The following FRYL variants were observed in gnomAD, a reference collection of about 807,000 sequenced individuals.
FRYL encodes the protein protein furry homolog-like.
FRYL carries 150 observed loss-of-function variants against 351.2 expected under a neutral mutation model. That is an observed-to-expected ratio of 0.43 (90% CI 0.37 to 0.49). The LOEUF (loss-of-function observed/expected upper bound fraction) is 0.49, where lower values mean the gene tolerates loss of function less well. FRYL is among the 20% of genes least tolerant of loss of function. FRYL has a pLI of 0.00. For synonymous variants in FRYL, 1,153 were observed against 1,257.1 expected, an observed-to-expected ratio of 0.92 and a Z score of 1.75; for missense variants, 3,036 against 3,619.3, an observed-to-expected ratio of 0.84 and a Z score of 4.13.
chr4:48,716,575 T>A (rs1037636462), intron 1 of FRYL, among the ~76,000 whole-genome samples: 1 of 151,406 alleles, frequency 6.6e-6, no homozygotes, highest in Admixed American at 6.6e-5. Flanking sequence ...CAATGAGATA[T>A]CATCTCACAC....
At chr4:48,633,301 T>C (rs1753618732) in intron 4 of FRYL, among the ~76,000 whole-genome samples, 1 of 152,220 alleles carries the variant, frequency 6.6e-6, no homozygotes, top group Non-Finnish European at 1.5e-5. Flanking sequence ...TCAATGTTCA[T>C]TGTACTTTGC....
chr4:48,634,468 T>C lies in FRYL; in HGVS notation c.-58A>G, dbSNP rs1753837655. ...AGTTGGAAGAAGCACAGTATTTATT[T>C]ACTTTGCTGACTGGCGCTGAAGCTA... On this transcript the variant is annotated 5_prime_UTR_variant, in exon 4 of 64. Coordinates refer to ENST00000358350, the MANE Select transcript of FRYL (RefSeq NM_015030.2). 6.2e-7 allele frequency: 1 copy of C among 1,611,146 alleles called. No homozygotes were observed.
intron 13 of FRYL, 55 bp downstream of exon 13, chr4:48,601,965 A>G: frequency 5.9e-6 from 6 of 1,024,328 alleles, no homozygotes; most frequent in Non-Finnish European, 9.1e-6. Context: ...ATTTATATGC[A>G]TAAACAAAAT....
intron 1 of FRYL, among the ~76,000 whole-genome samples, chr4:48,741,427 C>T (rs938682037): frequency 1.3e-5 from 2 of 152,172 alleles, no homozygotes; most frequent in African/African-American, 4.8e-5. Context: ...GTAGTCCCAG[C>T]TACTCAGGAG....
In FRYL at chr4:48,540,800, G is replaced by A; in HGVS notation, c.5848C>T (p.Arg1950Ter). 6.2e-7 allele frequency: 1 copy of A among 1,613,788 alleles called. No individual in the cohort carries two copies. The highest frequency in any genetic ancestry group is 8.5e-7 in the Non-Finnish European group (1 of 1,179,886). The change falls in exon 46 of 64, where the codon CGA (arginine) becomes TGA (stop). Residue 1950 changes from arginine to a stop codon, truncating the protein, a stop_gained. Coordinates refer to ENST00000358350, the MANE Select transcript of FRYL (RefSeq NM_015030.2). LOFTEE classifies it high-confidence loss of function. ...NSLRLSLIGD[R>*]RGDRRRSNTL... ...TTACTCCGCCGCCGGTCACCTCGTCGGTCACCAATCAAACTTAATCTCAAA... is the reference window on the plus strand; with the variant it reads ...TTACTCCGCCGCCGGTCACCTCGTCAGTCACCAATCAAACTTAATCTCAAA...
At chr4:48,592,899 T>C (rs1431463676) in intron 16 of FRYL, among the ~76,000 whole-genome samples, 1 of 152,208 alleles carries the variant, frequency 6.6e-6, no homozygotes, top group Non-Finnish European at 1.5e-5. Context: ...TGACTATGTA[T>C]AGGATCAAGA....
At chr4:48,528,463 G>A in intron 50 of FRYL, 127 bp from the exon 51 acceptor site, 1 of 550,964 alleles carries the variant, frequency 1.8e-6, no homozygotes, top group Non-Finnish European at 2.9e-6. Flanking sequence ...AAATTACTTT[G>A]CATGAGGCAG....
intron 25 of FRYL, among the ~76,000 whole-genome samples, chr4:48,573,642 C>T (rs1305324781): frequency 6.6e-5 from 10 of 152,218 alleles, no homozygotes; most frequent in Admixed American, 5.9e-4. Context: ...TTACGCCTCC[C>T]GGATTCAAGT....
At position 48,543,869 on chromosome 4, in the gene FRYL, T is replaced by C. The variant is rs772047198; in HGVS notation, c.5530A>G (p.Thr1844Ala). The change falls in exon 44 of 64, where the codon ACA becomes GCA. Residue 1844 changes from threonine (T) to alanine (A), a missense_variant. By Grantham distance (58) the Thr-to-Ala change is moderately conservative. Transcript: ENST00000358350. ...RALKQPLTATTLSDVLSRLVE... is the reference protein window; with the variant it reads ...RALKQPLTATALSDVLSRLVE... The stretch of plus-strand genomic sequence containing the variant: ...AGTCTGGAGAGAACATCAGAAAGTG[T>C]AGTTGCAGTGAGAGGCTGCTTTAGG... 5 of 1,613,866 alleles carry C rather than the reference T, an allele frequency of 3.1e-6. No homozygotes were observed. In the South Asian group the frequency reaches 3.3e-5, roughly 11 times the overall value.
intron 3 of FRYL, among the ~76,000 whole-genome samples, chr4:48,681,590 C>T (rs1343356661): frequency 6.6e-6 from 1 of 152,092 alleles, no homozygotes; most frequent in Non-Finnish European, 1.5e-5. Context: ...AATTCACTAA[C>T]AGACCTCAGG....
intron 4 of FRYL, among the ~76,000 whole-genome samples, chr4:48,624,937 A>G (rs553719005): frequency 2.0e-5 from 3 of 152,314 alleles, no homozygotes; most frequent in South Asian, 2.1e-4. Flanking sequence ...CTCTGCCTAC[A>G]GATTCAAAGT....
chr4:48,683,007 T>C (rs193298147), intron 3 of FRYL, among the ~76,000 whole-genome samples: 3 of 152,284 alleles, frequency 2.0e-5, no homozygotes, highest in Non-Finnish European at 2.9e-5. Flanking sequence ...AGCAAAGACT[T>C]GGAACCAACC....
chr4:48,499,664 C>A lies in FRYL; in HGVS notation c.8800G>T (p.Asp2934Tyr), dbSNP rs1719102191. Residue 2934 changes from aspartate to tyrosine, a missense_variant, in exon 64 of 64, where the codon GAT becomes TAT. Transcript: ENST00000358350. Reference protein sequence around the residue: ...VKAFRSLWPSDIFGSCEDDPV... With the variant: ...VKAFRSLWPSYIFGSCEDDPV... The stretch of plus-strand genomic sequence containing the variant: ...TCATCTTCACAACTGCCAAAGATAT[C>A]ACTGGGCCAGAGAGATCTGAAAATA... 1 of 1,613,994 alleles carries A rather than the reference C, an allele frequency of 6.2e-7. No homozygotes were observed. Among genetic ancestry groups the A allele is most frequent in the Non-Finnish European group, 8.5e-7 (1 of 1,179,922 alleles).
intron 30 of FRYL, among the ~76,000 whole-genome samples, 190 bp from the exon 31 acceptor site, chr4:48,564,292 G>C (rs1736225376): frequency 6.6e-6 from 1 of 152,086 alleles, no homozygotes; most frequent in Admixed American, 6.5e-5. Flanking sequence ...AACTGAATTT[G>C]GCCTCTCGCT....
chr4:48,686,466 C>CT (rs745347360), intron 2 of FRYL, among the ~76,000 whole-genome samples: 1 of 152,068 alleles, frequency 6.6e-6, no homozygotes, highest in Non-Finnish European at 1.5e-5. Flanking sequence ...AATCTTGATA[C>CT]TTTGCTTATC....
chr4:48,603,381 T>C lies in FRYL; in HGVS notation c.842A>G (p.Lys281Arg). Residue 281 changes from lysine (K) to arginine (R), a missense_variant, in exon 12 of 64, where the codon AAA (lysine) becomes AGA (arginine). Physicochemically the swap from Lys to Arg is conservative, Grantham distance 26. This residue lies in a region of FRYL where 457 missense variants were observed against 566.6 expected (regional missense o/e 0.81). Coordinates refer to ENST00000358350, the MANE Select transcript of FRYL (RefSeq NM_015030.2). ...CAAACAGGGAACATTCACTTCATTT[T>C]TAACAGCCTAGTAAAAAGATAATGC... ...EILIPVAAAVKNEVNVPCLKN... is the reference protein window; with the variant it reads ...EILIPVAAAVRNEVNVPCLKN... The C allele has an allele frequency of 6.3e-7, 1 of 1,597,506 alleles. No individual in the cohort carries two copies. The highest frequency in any genetic ancestry group is 8.6e-7 in the Non-Finnish European group (1 of 1,166,426).
In FRYL at chr4:48,557,538, C is replaced by T. The variant is rs754881953; in HGVS notation, c.4040G>A (p.Ser1347Asn). 9.3e-6 allele frequency: 15 copies of T among 1,614,076 alleles called. No homozygotes were observed. Among genetic ancestry groups the T allele is most frequent in the Middle Eastern group, 1.6e-4 (1 of 6,084 alleles). The change falls in exon 34 of 64, where the codon AGT (serine) becomes AAT (asparagine). Residue 1347 changes from serine to asparagine, a missense_variant. By Grantham distance (46) the Ser-to-Asn change is conservative. Around this residue, in one of 7 missense-constraint regions of FRYL, gnomAD observed 1,987 missense variants for 2,311.7 expected, o/e 0.86. Coordinates refer to ENST00000358350, the MANE Select transcript of FRYL (RefSeq NM_015030.2). ...SLKDRELMVT[S>N]RRWLRGEGWG... The stretch of plus-strand genomic sequence containing the variant: ...TCCTTCTCCCCGTAACCAGCGCCTA[C>T]TAGTCACCATAAGTTCTCGGTCTTT...
intron 3 of FRYL, among the ~76,000 whole-genome samples, chr4:48,641,009 T>C (rs911426124): frequency 6.6e-6 from 1 of 152,138 alleles, no homozygotes; most frequent in Non-Finnish European, 1.5e-5. Flanking sequence ...GCTTATATGG[T>C]AGACAGATTA....
intron 3 of FRYL, among the ~76,000 whole-genome samples, chr4:48,662,242 GC>G (rs1177148257): frequency 6.6e-6 from 1 of 152,048 alleles, no homozygotes; most frequent in Non-Finnish European, 1.5e-5. Flanking sequence ...AGAGTTCACG[GC>G]CAGCCTGGGC....
Sources: allele counts gnomAD v4.1 joint callset (sites outside exome capture counted in the v4.1 genomes callset), GRCh38; gene constraint gnomAD v4.1.1; regional missense constraint gnomAD v4.1.1; transcripts MANE v1.5; gene names NCBI Gene and HGNC (gene_info 2026-07-23, HGNC 2026-07-21).